The following CSNK2A1 variants were observed in gnomAD, a reference collection of about 807,000 sequenced individuals.
The protein encoded by CSNK2A1 is casein kinase 2 alpha 1, also known as casein kinase II subunit alpha.
Under a neutral mutation model 62.9 loss-of-function variants are expected in CSNK2A1, and 10 were observed. The ratio of observed to expected loss-of-function variants is 0.16; its 90% CI spans 0.10 to 0.27. CSNK2A1 has a LOEUF of 0.27. CSNK2A1 is among the 10% of genes least tolerant of loss of function. CSNK2A1 has a pLI of 1.00. For missense variants in CSNK2A1, 160 were observed against 492.0 expected (o/e 0.33, Z 6.38); for synonymous variants, 124 against 167.8 (o/e 0.74, Z 2.02).
Position 480,360 on chromosome 20 carries a change from T to TA in CSNK2A1, c.*3600dup, listed in dbSNP as rs1212559705. The TA allele has an allele frequency of 6.6e-6, 1 of 151,414 alleles. No homozygotes were observed. The highest frequency in any genetic ancestry group is 2.4e-5 in the African/African-American group (1 of 41,010). The allele number at this position is 151,414 out of a possible 1,614,324, so 9.4% of individuals were successfully genotyped here. On this transcript the variant is annotated 3_prime_UTR_variant, in exon 14 of 14. Transcript: ENST00000217244. ...TATTATTACAAGCCAAGTAGGGTGT[T>TA]AAATATTTTCCTCGTGCCATTCCAT... is the stretch of plus-strand genomic sequence containing the variant.
At chr20:521,657 G>A (rs544851874) in intron 2 of CSNK2A1, among the ~76,000 whole-genome samples, 1 of 152,290 alleles carries the variant, frequency 6.6e-6, no homozygotes, top group South Asian at 2.1e-4. Flanking sequence ...AACAACCAAG[G>A]TGTCCAACAG....
intron 2 of CSNK2A1, among the ~76,000 whole-genome samples, chr20:524,662 G>A (rs2019035043): frequency 3.4e-5 from 5 of 146,114 alleles, no homozygotes. Flanking sequence ...CCTAGGAGGT[G>A]GAGGTTGCAG....
In CSNK2A1 at chr20:499,739, A is replaced by T. The variant is rs1022548504; in HGVS notation, c.315+94T>A. The T allele has an allele frequency of 3.5e-6, 4 of 1,126,762 alleles. No homozygotes were observed. Among genetic ancestry groups the T allele is most frequent in the Non-Finnish European group, 4.0e-6 (3 of 753,432 alleles). The allele number at this position is 1,126,762 out of a possible 1,614,324, so 69.8% of individuals were successfully genotyped here. A position where few individuals can be genotyped will look rare whatever the true frequency, so the allele number is the denominator to read the frequency against. On this transcript the variant is annotated intron_variant, in intron 5 of 13. Transcript: ENST00000217244. This position sits in a 1 kb window ranked among gnomAD's most constrained non-coding sequence, Gnocchi z 4.2. Reference sequence around the variant, plus strand: ...ACTTTCAAAGCAGGACTTAATGATGAGGGTTGGGGGAGGGAACAAAAAGAG... The same window carrying T: ...ACTTTCAAAGCAGGACTTAATGATGTGGGTTGGGGGAGGGAACAAAAAGAG...
chr20:497,157 ATTTAT>A (rs531342851), intron 7 of CSNK2A1, among the ~76,000 whole-genome samples: 32 of 152,030 alleles, frequency 2.1e-4, no homozygotes, highest in Non-Finnish European at 4.0e-4. Flanking sequence ...ATTAATTTTT[ATTTAT>A]TTATGTATTT....
intron 2 of CSNK2A1, among the ~76,000 whole-genome samples, chr20:525,558 A>G (rs539475856): frequency 1.5e-3 from 232 of 151,040 alleles, no homozygotes; most frequent in Middle Eastern, 6.8e-3. Context: ...GGCTGAGGCA[A>G]GAGAATGGCG....
rs1344483345 is a variant in CSNK2A1, at chr20:530,660, AG to A, written c.-226-2612del. 3.3e-5 allele frequency among the ~76,000 whole-genome samples: 5 copies of A among 152,034 alleles called. No homozygotes were observed. In the East Asian group the frequency reaches 9.6e-4, roughly 29 times the overall value. ...AGTTAATTTTCTGCATTTTTAGTAG[AG>A]ACAGGGTTTCGCCATGTTGCCCAGG... On this transcript the variant is annotated intron_variant, in intron 1 of 13. Coordinates refer to ENST00000217244, the MANE Select transcript of CSNK2A1 (RefSeq NM_177559.3).
At chr20:501,062 A>T (rs1454533765) in intron 4 of CSNK2A1, 1 of 146,144 alleles carries the variant, frequency 6.8e-6, no homozygotes, top group African/African-American at 2.5e-5. Flanking sequence ...CACCTCCTTT[A>T]TAAAGCCTTT....
rs561038387 is a variant in CSNK2A1 at position 522,376 on chromosome 20, G to A, written c.-110+5557C>T. On this transcript the variant is annotated intron_variant, in intron 2 of 13. Coordinates refer to ENST00000217244, the MANE Select transcript of CSNK2A1 (RefSeq NM_177559.3). ...TCATATGCCCCTGATATAATGTGAT[G>A]AGAAGGGCACTTCACCTCTGTGGTA... is the stretch of plus-strand genomic sequence containing the variant. Among the ~76,000 whole-genome samples the A allele has an allele frequency of 3.9e-5, 6 of 152,336 alleles. No homozygotes were observed. In the South Asian group the frequency reaches 1.0e-3, roughly 26 times the overall value.
chr20:501,069 C>CT (rs563750464), intron 4 of CSNK2A1: 3,567 of 137,484 alleles, frequency 0.026, 68 homozygotes, highest in Non-Finnish European at 0.034. Context: ...TTTATAAAGC[C>CT]TTTTTTTTTT....
intron 2 of CSNK2A1, among the ~76,000 whole-genome samples, 151 bp downstream of exon 2, chr20:527,782 A>G (rs371632): frequency 0.48 from 72,597 of 151,988 alleles, 19,541 homozygotes; most frequent in African/African-American, 0.72. Context: ...CAGGTGATCC[A>G]ACTGTTTCAG....
At chr20:523,858 C>CAAAAAGAAAAA (rs2019003387) in intron 2 of CSNK2A1, among the ~76,000 whole-genome samples, 1 of 45,546 alleles carries the variant, frequency 2.2e-5, no homozygotes, top group Non-Finnish European at 4.2e-5. Context: ...GACTCCATCT[C>CAAAAAGAAAAA]AAAAAAAAAA....
At chr20:521,153 A>G (rs1214639521) in intron 2 of CSNK2A1, among the ~76,000 whole-genome samples, 1 of 152,244 alleles carries the variant, frequency 6.6e-6, no homozygotes, top group African/African-American at 2.4e-5. Context: ...TAAGCCAGAC[A>G]CAAGAAGAAT....
chr20:502,907 C>T (rs1258486776), intron 4 of CSNK2A1: 1 of 152,268 alleles, frequency 6.6e-6, no homozygotes, highest in South Asian at 2.1e-4. Flanking sequence ...CCCTTCACCA[C>T]TTCCACCCAA....
At chr20:495,950 A>C (rs2018339153) in intron 7 of CSNK2A1, 148 bp from the exon 8 acceptor site, 1 of 628,254 alleles carries the variant, frequency 1.6e-6, no homozygotes, top group Admixed American at 2.4e-5. Flanking sequence ...AATGCTTCAG[A>C]GACTTGTTCA....
At chr20:503,184 G>C (rs974096323) in intron 4 of CSNK2A1, 10 of 294,664 alleles carry the variant, frequency 3.4e-5, no homozygotes, top group African/African-American at 2.2e-4. Flanking sequence ...CATTCTCATC[G>C]CCCAGGCTGG....
chr20:504,610 G>A (rs1291153259), intron 4 of CSNK2A1: 1 of 153,132 alleles, frequency 6.5e-6, no homozygotes, highest in Non-Finnish European at 1.5e-5. Flanking sequence ...GCAATCATCA[G>A]CTTCAGCTGA....
At position 473,867 on chromosome 20, in the gene CSNK2A1, T is replaced by A. The variant is rs2017798989; in HGVS notation, c.*10094A>T. 6.6e-6 allele frequency: 1 copy of A among 152,182 alleles called. No homozygotes were observed. Among genetic ancestry groups the A allele is most frequent in the Admixed American group, 6.5e-5 (1 of 15,276 alleles). The allele number at this position is 152,182 out of a possible 1,614,324, so 9.4% of individuals were successfully genotyped here. On this transcript the variant is annotated 3_prime_UTR_variant, in exon 14 of 14. Coordinates refer to ENST00000217244, the MANE Select transcript of CSNK2A1 (RefSeq NM_177559.3). ...AGACCTTTTCCAGAAGACCTCTCCC[T>A]GTGTATCCACTTCTAAACCAGTCAC...
rs2019439591 is a variant in CSNK2A1, at chr20:541,044, C to T, written c.-227+2628G>A. On this transcript the variant is annotated intron_variant, in intron 1 of 13. Transcript: ENST00000217244. Reference sequence around the variant, plus strand: ...TTCTGGTTGTCAGCCAGGGACTGGTCTTTGCCACTAGAGGCTGCCCACATT... The same window carrying T: ...TTCTGGTTGTCAGCCAGGGACTGGTTTTTGCCACTAGAGGCTGCCCACATT... 2.0e-5 allele frequency: 3 copies of T among 152,340 alleles called. No individual in the cohort carries two copies. In the South Asian group the frequency reaches 6.2e-4, roughly 32 times the overall value. The allele number at this position is 152,340 out of a possible 1,614,324, so 9.4% of individuals were successfully genotyped here. A position where few individuals can be genotyped will look rare whatever the true frequency, so the allele number is the denominator to read the frequency against.
intron 2 of CSNK2A1, among the ~76,000 whole-genome samples, chr20:515,418 T>C (rs1208437737): frequency 6.6e-6 from 1 of 152,246 alleles, no homozygotes; most frequent in Non-Finnish European, 1.5e-5. Context: ...AACTAAGAGT[T>C]TCTCAGCTTT....
Sources: gnomAD v4.1 joint callset for allele counts (sites outside exome capture counted in the v4.1 genomes callset) on GRCh38, gnomAD v4.1.1 for gene constraint, Gnocchi (gnomAD v3.1) non-coding constraint, MANE v1.5 for transcripts, NCBI Gene and HGNC (gene_info 2026-07-23, HGNC 2026-07-21) for gene names.